ZSCAN4: variants seen among roughly 807,000 people sequenced by gnomAD.
ZSCAN4 encodes zinc finger and SCAN domain-containing protein 4.
ZSCAN4 carries 18 observed loss-of-function variants against 18.3 expected under a neutral mutation model. That is an observed-to-expected ratio of 0.98 (90% CI 0.68 to 1.46). The LOEUF (loss-of-function observed/expected upper bound fraction) is 1.46, where lower values mean the gene tolerates loss of function less well. Ranked by LOEUF, ZSCAN4 falls within the 40% of genes most tolerant of loss-of-function variation. The pLI, the probability that ZSCAN4 is intolerant of heterozygous loss-of-function variation, is 0.00. For missense variants in ZSCAN4, 498 were observed against 511.4 expected, an observed-to-expected ratio of 0.97 and a Z score of 0.25; for synonymous variants, 193 against 180.3, an observed-to-expected ratio of 1.07 and a Z score of -0.57.
the ZSCAN4 span, among the ~76,000 whole-genome samples, chr19:57,663,600 G>A: frequency 4.1e-5 from 6 of 147,996 alleles, no homozygotes; most frequent in African/African-American, 1.0e-4. Flanking sequence ...TCAGCTACTC[G>A]GGAGGCTGAG....
chr19:57,676,757 A>T (rs1347726994), intron 3 of ZSCAN4, among the ~76,000 whole-genome samples: 1 of 152,232 alleles, frequency 6.6e-6, no homozygotes, highest in South Asian at 2.1e-4. Context: ...TCTGTAGGAC[A>T]TATAGGAGCC....
upstream of ZSCAN4, among the ~76,000 whole-genome samples, chr19:57,667,256 G>T (rs1166198170): frequency 1.3e-5 from 2 of 152,100 alleles, no homozygotes; most frequent in African/African-American, 4.8e-5. Flanking sequence ...TTTCCCCAAG[G>T]ATAAATCCTC....
intron 3 of ZSCAN4, 42 bp downstream of exon 3, chr19:57,676,583 A>C (rs775573644): frequency 3.0e-5 from 46 of 1,551,384 alleles, no homozygotes; most frequent in Non-Finnish European, 3.9e-5. Flanking sequence ...AGACAAAGGA[A>C]AGTAAGGAAT....
At chr19:57,652,068 C>T in the ZSCAN4 span, among the ~76,000 whole-genome samples, 1 of 152,206 alleles carries the variant, frequency 6.6e-6, no homozygotes, top group East Asian at 1.9e-4. Flanking sequence ...CAGCTCTTCT[C>T]CATCCCTCCT....
At chr19:57,652,396 C>G in the ZSCAN4 span, among the ~76,000 whole-genome samples, 1 of 152,140 alleles carries the variant, frequency 6.6e-6, no homozygotes, top group Admixed American at 6.6e-5. Context: ...ATATTCAGGC[C>G]TTTGTTTATC....
At chr19:57,658,200 A>G in the ZSCAN4 span, among the ~76,000 whole-genome samples, 3 of 152,324 alleles carry the variant, frequency 2.0e-5, no homozygotes, top group African/African-American at 7.2e-5. Context: ...CTGAATCTCA[A>G]AAGCACAAGT....
At chr19:57,654,751 C>T in the ZSCAN4 span, among the ~76,000 whole-genome samples, 3 of 152,128 alleles carry the variant, frequency 2.0e-5, no homozygotes, top group South Asian at 2.1e-4. Context: ...CACCTTTTTT[C>T]ACCATCCCCT....
chr19:57,664,539 TG>T (rs1568656097), upstream of ZSCAN4: 1 of 152,522 alleles, frequency 6.6e-6, no homozygotes. Context: ...GAGGGGCCCC[TG>T]GGACAGTGAG....
chr19:57,671,511 A>AG (rs1568450412), intron 2 of ZSCAN4, among the ~76,000 whole-genome samples: 1 of 83,982 alleles, frequency 1.2e-5, no homozygotes, highest in East Asian at 4.3e-4. Flanking sequence ...AAAAAAAAAA[A>AG]GAGAGAGAGA....
chr19:57,669,217 C>T lies in ZSCAN4; in HGVS notation c.-429+14C>T, dbSNP rs921067532. 2.6e-5 allele frequency: 4 copies of T among 151,596 alleles called. No homozygotes were observed. Among genetic ancestry groups the T allele is most frequent in the African/African-American group, 4.8e-5 (2 of 41,250 alleles). The allele number at this position is 151,596 out of a possible 1,614,324, so 9.4% of individuals were successfully genotyped here. A position where few individuals can be genotyped will look rare whatever the true frequency, so the allele number is the denominator to read the frequency against. On this transcript the variant is annotated intron_variant, in intron 1 of 4. Transcript: ENST00000318203. ...CTGGGATTACAGGTGCATGCTACCA[C>T]GCCCAGATAATTTTTGTATTTTTAA... is the stretch of plus-strand genomic sequence containing the variant.
the ZSCAN4 span, among the ~76,000 whole-genome samples, chr19:57,653,390 G>GAAAAAAAAAAAAAAAAAA: frequency 1.3e-5 from 1 of 76,474 alleles, no homozygotes; most frequent in Non-Finnish European, 3.2e-5. Context: ...CCATCTCAAA[G>GAAAAAAAAAAAAAAAAAA]AAAAAAAAAA....
At chr19:57,663,193 G>A in the ZSCAN4 span, among the ~76,000 whole-genome samples, 1 of 151,098 alleles carries the variant, frequency 6.6e-6, no homozygotes, top group Non-Finnish European at 1.5e-5. Flanking sequence ...GTGAGCCACC[G>A]CACCCGGGAT....
At chr19:57,668,858 CT>C (rs1328269210), upstream of ZSCAN4, 1 of 152,214 alleles carries the variant, frequency 6.6e-6, no homozygotes, top group Non-Finnish European at 1.5e-5. Context: ...AATGCCTTCT[CT>C]GGGTCCCGGG....
the ZSCAN4 span, among the ~76,000 whole-genome samples, chr19:57,659,523 A>C: frequency 6.6e-6 from 1 of 152,284 alleles, no homozygotes; most frequent in African/African-American, 2.4e-5. Context: ...TGCCTCCCAA[A>C]GTGCTGGTAT....
At chr19:57,653,986 T>C in the ZSCAN4 span, among the ~76,000 whole-genome samples, 2 of 152,200 alleles carry the variant, frequency 1.3e-5, no homozygotes, top group African/African-American at 4.8e-5. Context: ...GATCACCCAC[T>C]ACCATCACCA....
At chr19:57,674,931 C>T (rs114637717) in intron 2 of ZSCAN4, among the ~76,000 whole-genome samples, 3,250 of 148,088 alleles carry the variant, frequency 0.022, 126 homozygotes, top group African/African-American at 0.077. Context: ...GTTGTAACTA[C>T]TTTATAAAAT....
chr19:57,674,007 G>T (rs1984103935), intron 2 of ZSCAN4, among the ~76,000 whole-genome samples: 1 of 152,170 alleles, frequency 6.6e-6, no homozygotes, highest in African/African-American at 2.4e-5. Flanking sequence ...GCCCGCCTCG[G>T]CCTCCCAAAG....
intron 3 of ZSCAN4, among the ~76,000 whole-genome samples, 195 bp downstream of exon 3, chr19:57,676,736 T>C (rs1433527267): frequency 1.3e-5 from 2 of 152,234 alleles, no homozygotes; most frequent in East Asian, 3.8e-4. Context: ...AAAAGGTATA[T>C]ATCTGTTTAT....
chr19:57,678,782 A>G (rs1195465028), exon 5 of ZSCAN4: 1 of 1,614,200 alleles, frequency 6.2e-7, no homozygotes, highest in East Asian at 2.2e-5. Context: ...ACACAGGAGA[A>G]AAGCCTTATA....
Sources: gnomAD v4.1 joint callset for allele counts (sites outside exome capture counted in the v4.1 genomes callset) on GRCh38, gnomAD v4.1.1 for gene constraint, MANE v1.5 for transcripts, NCBI Gene and HGNC (gene_info 2026-07-23, HGNC 2026-07-21) for gene names.